Variants in ANXA4 observed in about 807,000 individuals in gnomAD.
ANXA4 encodes annexin A4.
A neutral mutation model predicts 49.8 loss-of-function variants in ANXA4; 39 were observed. The ratio of observed to expected loss-of-function variants is 0.78; its 90% CI spans 0.61 to 1.02. ANXA4 has a LOEUF of 1.02. Among genes scored for constraint, ANXA4 ranks in the 50% least tolerant of loss-of-function variants. The pLI, the probability that ANXA4 is intolerant of heterozygous loss-of-function variation, is 0.00. For synonymous variants in ANXA4, 134 were observed against 152.5 expected (o/e 0.88, Z 0.89); for missense variants, 360 against 410.1 (o/e 0.88, Z 1.05).
intron 3 of ANXA4, among the ~76,000 whole-genome samples, chr2:69,791,029 C>T (rs961479417): frequency 6.6e-6 from 1 of 152,142 alleles, no homozygotes. Context: ...CTTACATAAG[C>T]CTCTTAGATT....
Position 69,812,633 on chromosome 2 carries a change from T to A in ANXA4, c.478-20T>A. 6.2e-7 allele frequency: 1 copy of A among 1,609,774 alleles called. No individual in the cohort carries two copies. Among genetic ancestry groups the A allele is most frequent in the Non-Finnish European group, 8.5e-7 (1 of 1,176,698 alleles). ...ATGTATACTCTCGAATTATTTTTTA[T>A]TTGTTTTTCTCATCCTCAGGGTGGG... On this transcript the variant is annotated intron_variant, in intron 7 of 12. Transcript: ENST00000394295.
chr2:69,658,679 TTTTA>T (rs1676598128), intron 2 of ANXA4, among the ~76,000 whole-genome samples: 1 of 152,152 alleles, frequency 6.6e-6, no homozygotes, highest in Non-Finnish European at 1.5e-5. Context: ...TTAAATTTAT[TTTTA>T]TTTATTTATT....
At chr2:69,697,960 C>T (rs2105383925) in intron 2 of ANXA4, among the ~76,000 whole-genome samples, 1 of 117,714 alleles carries the variant, frequency 8.5e-6, no homozygotes, top group East Asian at 2.5e-4. Context: ...GCCTGGGCAA[C>T]ACAGTGAGAC....
At chr2:69,669,183 G>A (rs369584984) in intron 2 of ANXA4, among the ~76,000 whole-genome samples, 141 of 151,358 alleles carry the variant, frequency 9.3e-4, no homozygotes, top group Middle Eastern at 3.4e-3. Context: ...GACCTCAGGT[G>A]ATCCACCCGC....
intron 1 of ANXA4, among the ~76,000 whole-genome samples, chr2:69,751,218 GTA>G (rs1242427306): frequency 3.3e-5 from 5 of 152,116 alleles, no homozygotes; most frequent in Admixed American, 6.6e-5. Flanking sequence ...ACCACTCTGT[GTA>G]ATAGGTTAAA....
At chr2:69,658,734 G>A (rs949642563) in intron 2 of ANXA4, among the ~76,000 whole-genome samples, 30 of 151,706 alleles carry the variant, frequency 2.0e-4, no homozygotes, top group African/African-American at 6.0e-4. Context: ...TCGCTCTGTC[G>A]CCCAGGCTGG....
intron 2 of ANXA4, among the ~76,000 whole-genome samples, chr2:69,714,219 G>A (rs573634696): frequency 5.3e-5 from 8 of 152,288 alleles, no homozygotes; most frequent in Middle Eastern, 3.4e-3. Context: ...TGGGTGGGCC[G>A]GGGGGTGGGG....
chr2:69,802,093 T>C (rs1235970511), intron 3 of ANXA4, among the ~76,000 whole-genome samples: 1 of 152,134 alleles, frequency 6.6e-6, no homozygotes, highest in Non-Finnish European at 1.5e-5. Flanking sequence ...TGGGATACTG[T>C]AGAGAGTCTC....
At chr2:69,701,297 C>A (rs1428394677) in intron 2 of ANXA4, among the ~76,000 whole-genome samples, 1 of 152,104 alleles carries the variant, frequency 6.6e-6, no homozygotes, top group African/African-American at 2.4e-5. Context: ...CACCAGCCAT[C>A]TCCAGAACTC....
At chr2:69,789,738 T>C (rs1251601526) in intron 3 of ANXA4, among the ~76,000 whole-genome samples, 1 of 152,152 alleles carries the variant, frequency 6.6e-6, no homozygotes, top group African/African-American at 2.4e-5. Context: ...CAGGTGTGCC[T>C]TCTATATAGA....
chr2:69,753,981 C>T (rs142231995), intron 1 of ANXA4, among the ~76,000 whole-genome samples: 1 of 152,356 alleles, frequency 6.6e-6, no homozygotes, highest in East Asian at 1.9e-4. Context: ...GGTTCTTGTT[C>T]TGGATTCTAA....
chr2:69,786,921 C>T (rs1292890708), intron 2 of ANXA4, among the ~76,000 whole-genome samples: 4 of 152,010 alleles, frequency 2.6e-5, no homozygotes, highest in Non-Finnish European at 5.9e-5. Context: ...GATGAGGTTT[C>T]ACCATGTTGC....
intron 3 of ANXA4, among the ~76,000 whole-genome samples, chr2:69,800,862 T>C (rs1673165087): frequency 6.6e-6 from 1 of 152,086 alleles, no homozygotes; most frequent in Non-Finnish European, 1.5e-5. Flanking sequence ...AGAGTGAGGT[T>C]AAGAGTGGAA....
intron 2 of ANXA4, among the ~76,000 whole-genome samples, chr2:69,787,567 G>A (rs114944479): frequency 6.5e-4 from 99 of 152,284 alleles, no homozygotes; most frequent in Middle Eastern, 3.4e-3. Context: ...GGGAGAACAG[G>A]GTTCCACGTT....
chr2:69,810,268 A>C, intron 6 of ANXA4: 1 of 259,912 alleles, frequency 3.8e-6, no homozygotes, highest in Non-Finnish European at 7.7e-6. Context: ...CTGAGGCAGG[A>C]GAATTGCATG....
At chr2:69,716,777 C>T (rs546632123) in intron 2 of ANXA4, among the ~76,000 whole-genome samples, 7 of 152,130 alleles carry the variant, frequency 4.6e-5, no homozygotes, top group South Asian at 2.1e-4. Context: ...AGGGCAAGAA[C>T]GAAAAGAGTT....
intron 2 of ANXA4, among the ~76,000 whole-genome samples, chr2:69,659,952 G>C (rs1207944761): frequency 6.6e-6 from 1 of 152,106 alleles, no homozygotes; most frequent in East Asian, 1.9e-4. Flanking sequence ...CCTGGGCCTG[G>C]TACAGACAGA....
At chr2:69,688,951 T>C (rs1677877527) in intron 2 of ANXA4, among the ~76,000 whole-genome samples, 1 of 152,216 alleles carries the variant, frequency 6.6e-6, no homozygotes, top group East Asian at 1.9e-4. Flanking sequence ...GGCTCCAGTG[T>C]TGTCAGCCTA....
chr2:69,781,712 A>G, intron 2 of ANXA4, 138 bp downstream of exon 2: 2 of 950,866 alleles, frequency 2.1e-6, no homozygotes, highest in Non-Finnish European at 1.6e-6. Context: ...AGGCAGGTCT[A>G]TTTCTAAACA....
Sources: gnomAD v4.1 joint callset for allele counts (sites outside exome capture counted in the v4.1 genomes callset) on GRCh38, gnomAD v4.1.1 for gene constraint, MANE v1.5 for transcripts, NCBI Gene and HGNC (gene_info 2026-07-23, HGNC 2026-07-21) for gene names.